CEP162: variants seen among roughly 807,000 people sequenced by gnomAD.
CEP162 encodes centrosomal protein of 162 kDa.
CEP162 carries 141 observed loss-of-function variants against 169.2 expected under a neutral mutation model. That is an observed-to-expected ratio of 0.83 (90% CI 0.73 to 0.96). The LOEUF is 0.96. Ranked by LOEUF, CEP162 falls within the 40% of genes least tolerant of loss-of-function variation. The pLI, the probability that CEP162 is intolerant of heterozygous loss-of-function variation, is 0.00. For synonymous variants in CEP162, 540 were observed against 526.4 expected (o/e 1.03, Z -0.35); for missense variants, 1,600 against 1,587.2 (o/e 1.01, Z -0.14).
chr6:84,204,014 A>T lies in CEP162; in HGVS notation c.654T>A (p.Asn218Lys), dbSNP rs1188588434. 6.2e-7 allele frequency: 1 copy of T among 1,609,428 alleles called. No individual in the cohort carries two copies. Among genetic ancestry groups the T allele is most frequent in the African/African-American group, 1.3e-5 (1 of 74,826 alleles). ...GCACACTTATTTTTTCTGATTTGGA[A>T]TTCTCTTTGGAAGGCATCTCTTCAT... ...TKDEEMPSKE[N>K]SKSEKISVPK... is the part of the protein sequence containing the mutation. The change falls in exon 7 of 27, where the codon AAT becomes AAA. Residue 218 changes from asparagine (N) to lysine (K), a missense_variant. Physicochemically the swap from Asn to Lys is moderately conservative, Grantham distance 94. Coordinates refer to ENST00000403245, the MANE Select transcript of CEP162 (RefSeq NM_014895.4).
intron 25 of CEP162, among the ~76,000 whole-genome samples, chr6:84,140,618 T>A (rs548346691): frequency 6.6e-6 from 1 of 152,234 alleles, no homozygotes; most frequent in East Asian, 1.9e-4. Context: ...CTTGAACTCC[T>A]GGGCTTAACC....
In CEP162 at chr6:84,152,792, C is replaced by T. The variant is rs200917055; in HGVS notation, c.3382G>A (p.Glu1128Lys). Residue 1128 changes from glutamate to lysine, a missense_variant, in exon 23 of 27, where the codon GAG (glutamate) becomes AAG (lysine). By Grantham distance (56) the Glu-to-Lys change is moderately conservative. Transcript: ENST00000403245. Reference sequence around the variant, plus strand: ...TTTGCCCTTTTGGCAGACATTTCCTCTCTGCCCTTTGAGTTCTGATTTGAT... The same window carrying T: ...TTTGCCCTTTTGGCAGACATTTCCTTTCTGCCCTTTGAGTTCTGATTTGAT... ...MLSNQNSKGR[E>K]EMSAKRAKKD... 4 of 1,613,502 alleles carry T rather than the reference C, an allele frequency of 2.5e-6. No individual in the cohort carries two copies. The highest frequency in any genetic ancestry group is 3.4e-6 in the Non-Finnish European group (4 of 1,179,694).
In CEP162 at chr6:84,174,828, C is replaced by T. The variant is rs1386719625; in HGVS notation, c.1924G>A (p.Glu642Lys). ...TTATTTTCTAGTTCTTTCTCCTTTT[C>T]TGAGAATGTGGCTTTAATTTGCTCA... ...LIEQIKATFS[E>K]KEKELENKLE... The change falls in exon 15 of 27, where the codon GAA becomes AAA. Residue 642 changes from glutamate to lysine, a missense_variant. Transcript: ENST00000403245. The T allele has an allele frequency of 6.7e-7, 1 of 1,494,126 alleles. No individual in the cohort carries two copies. The highest frequency in any genetic ancestry group is 1.4e-5 in the African/African-American group (1 of 73,206). The allele number at this position is 1,494,126 out of a possible 1,614,324, so 92.6% of individuals were successfully genotyped here. A position where few individuals can be genotyped will look rare whatever the true frequency, so the allele number is the denominator to read the frequency against.
Position 84,169,411 on chromosome 6 carries a change from A to G in CEP162, c.2302T>C (p.Phe768Leu), listed in dbSNP as rs1426268174. 1.4e-5 allele frequency: 22 copies of G among 1,574,852 alleles called. No individual in the cohort carries two copies. The highest frequency in any genetic ancestry group is 4.6e-5 in the East Asian group (2 of 43,930). ...GAATCTTCAACTACTTGAGACAGAA[A>G]ACGACTTTTGTGCATCTGTTCTCTA... ...SLKEQMHKSR[F>L]LSQVVEDSEP... Residue 768 changes from phenylalanine (F) to leucine (L), a missense_variant, in exon 18 of 27, where the codon TTT becomes CTT. By Grantham distance (22) the Phe-to-Leu change is conservative. Transcript: ENST00000403245.
chr6:84,207,037 G>T (rs1054831920), intron 6 of CEP162, among the ~76,000 whole-genome samples: 3 of 152,166 alleles, frequency 2.0e-5, no homozygotes, highest in Non-Finnish European at 2.9e-5. Context: ...TCTCACACCA[G>T]TTAGAATGGC....
Position 84,125,197 on chromosome 6 carries a change from T to C in CEP162, c.4085A>G (p.Lys1362Arg). 1 of 1,613,720 alleles carries C rather than the reference T, an allele frequency of 6.2e-7. No individual in the cohort carries two copies. The stretch of plus-strand genomic sequence containing the variant: ...GCGGAACTTCTCCAGCTCACGATTC[T>C]TTAACTGTGCCAGTCTTTTCCATTT... ...VEKWKRLAQL[K>R]NRELEKFRTE... is the part of the protein sequence containing the mutation. Residue 1362 changes from lysine (K) to arginine (R), a missense_variant, in exon 27 of 27, where the codon AAG (lysine) becomes AGG (arginine). Lys to Arg is a conservative substitution (Grantham distance 26, BLOSUM62 2). Coordinates refer to ENST00000403245, the MANE Select transcript of CEP162 (RefSeq NM_014895.4).
In CEP162 at chr6:84,174,787, C is replaced by T. The variant is rs374270971; in HGVS notation, c.1965G>A (p.Lys655=). The T allele has an allele frequency of 9.5e-6, 15 of 1,575,112 alleles. No homozygotes were observed. The highest frequency in any genetic ancestry group is 2.7e-5 in the African/African-American group (2 of 73,926). The change falls in exon 15 of 27, where the codon AAG becomes AAA. Residue 655 remains lysine, a synonymous_variant. Transcript: ENST00000403245. ...TGAAGAGTTCTTTTTCCTGTTGTTT[C>T]TTTAGTTCTTCCAACTTATTTTCTA... is the stretch of plus-strand genomic sequence containing the variant. ...KELENKLEEL[K]KQQEKELFKL... is the part of the protein sequence containing the mutation.
At chr6:84,129,935 C>G (rs1184806648) in intron 25 of CEP162, among the ~76,000 whole-genome samples, 2 of 152,054 alleles carry the variant, frequency 1.3e-5, no homozygotes, top group East Asian at 3.9e-4. Flanking sequence ...CATCCTTGTC[C>G]TGTGCTGGTC....
chr6:84,162,868 G>A (rs1197471774), intron 19 of CEP162, among the ~76,000 whole-genome samples: 1 of 152,100 alleles, frequency 6.6e-6, no homozygotes, highest in African/African-American at 2.4e-5. Flanking sequence ...CCCTCAGGAA[G>A]GTCACAGTCT....
chr6:84,174,264 A>T lies in CEP162; in HGVS notation c.2026-76T>A, dbSNP rs561898998. 2,902 of 1,160,170 alleles carry T rather than the reference A, an allele frequency of 2.5e-3. 8 individuals carry two copies. The highest frequency in any genetic ancestry group is 3.2e-3 in the Non-Finnish European group (2,660 of 823,880). 71.9% of individuals were successfully genotyped at this position (1,160,170 alleles called of 1,614,324 possible). On this transcript the variant is annotated intron_variant, in intron 15 of 26. Transcript: ENST00000403245. ...GAGAAGTGAGAAAGAATAACAGGAAACTCCTATTTAGATCGAAAACTGTCT... is the reference window on the plus strand; with the variant it reads ...GAGAAGTGAGAAAGAATAACAGGAATCTCCTATTTAGATCGAAAACTGTCT...
intron 6 of CEP162, among the ~76,000 whole-genome samples, chr6:84,207,598 C>T (rs1477892871): frequency 1.3e-5 from 2 of 151,410 alleles, no homozygotes; most frequent in South Asian, 2.1e-4. Context: ...GGACAGTATT[C>T]GGAGATATAC....
At chr6:84,154,876 G>A (rs1458798568) in intron 22 of CEP162, among the ~76,000 whole-genome samples, 1 of 151,986 alleles carries the variant, frequency 6.6e-6, no homozygotes, top group Non-Finnish European at 1.5e-5. Flanking sequence ...GACATTTCTG[G>A]AAGATGCTCC....
chr6:84,185,064 C>T lies in CEP162; in HGVS notation c.1663+123G>A, dbSNP rs1371753509. 3.6e-6 allele frequency: 3 copies of T among 826,280 alleles called. No individual in the cohort carries two copies. In the African/African-American group the frequency reaches 5.2e-5, roughly 14 times the overall value. 51.2% of individuals were successfully genotyped at this position (826,280 alleles called of 1,614,324 possible). A position where few individuals can be genotyped will look rare whatever the true frequency, so the allele number is the denominator to read the frequency against. ...CTTTTCATCACCTACACTGCCACCA[C>T]CCTGGGTCAAGCCCTGTTGCCTCCT... On this transcript the variant is annotated intron_variant, in intron 13 of 26. Transcript: ENST00000403245.
chr6:84,149,663 C>A lies in CEP162; in HGVS notation c.3670G>T (p.Ala1224Ser). The A allele has an allele frequency of 6.3e-7, 1 of 1,589,178 alleles. No homozygotes were observed. Among genetic ancestry groups the A allele is most frequent in the Non-Finnish European group, 8.6e-7 (1 of 1,166,542 alleles). The change falls in exon 24 of 27, where the codon GCA becomes TCA. Residue 1224 changes from alanine (A) to serine (S), a missense_variant. Coordinates refer to ENST00000403245, the MANE Select transcript of CEP162 (RefSeq NM_014895.4). ...TTCTCTATTTCTCTCTGATGAGATG[C>A]TTTGAGGGATGCAATGTGTGCTGCA... The part of the protein sequence containing the change: ...DTAAHIASLK[A>S]SHQREIEKLL...
At chr6:84,159,006 C>T (rs561825059) in intron 21 of CEP162, among the ~76,000 whole-genome samples, 53 of 151,382 alleles carry the variant, frequency 3.5e-4, no homozygotes, top group African/African-American at 1.2e-3. Flanking sequence ...ATTTTCATTA[C>T]AATATGCATC....
chr6:84,185,524 G>A, intron 12 of CEP162, 76 bp from the exon 13 acceptor site: 2 of 1,261,830 alleles, frequency 1.6e-6, no homozygotes, highest in Non-Finnish European at 2.2e-6. Flanking sequence ...TTTAATAGAT[G>A]GCAAAACAAT....
chr6:84,226,987 AT>A (rs1393349739), intron 1 of CEP162, among the ~76,000 whole-genome samples: 1 of 152,268 alleles, frequency 6.6e-6, no homozygotes, highest in East Asian at 1.9e-4. Flanking sequence ...TTTAGTAAGA[AT>A]TAGTAATTTA....
At chr6:84,130,474 A>AC (rs1428263210) in intron 25 of CEP162, among the ~76,000 whole-genome samples, 3 of 152,110 alleles carry the variant, frequency 2.0e-5, no homozygotes, top group African/African-American at 7.2e-5. Context: ...TCGGCTGTGC[A>AC]CCCATCCAGT....
chr6:84,186,019 C>G (rs1326848565), intron 12 of CEP162, among the ~76,000 whole-genome samples: 1 of 152,076 alleles, frequency 6.6e-6, no homozygotes, highest in East Asian at 1.9e-4. Context: ...AAAGACTGAA[C>G]AGTGCATACT....
Sources: gnomAD v4.1 joint callset for allele counts (sites outside exome capture counted in the v4.1 genomes callset) on GRCh38, gnomAD v4.1.1 for gene constraint, MANE v1.5 for transcripts, NCBI Gene and HGNC (gene_info 2026-07-23, HGNC 2026-07-21) for gene names.